The following RHOQ variants were observed in gnomAD, a reference collection of about 807,000 sequenced individuals.
RHOQ encodes the protein ras homolog family member Q.
In RHOQ, 7 loss-of-function variants were observed where a neutral mutation model predicts 25.8. The ratio of observed to expected loss-of-function variants is 0.27; its 90% CI spans 0.15 to 0.51. RHOQ has a LOEUF of 0.51. Ranked by LOEUF, RHOQ falls within the 20% of genes least tolerant of loss-of-function variation. The pLI, the probability that RHOQ is intolerant of heterozygous loss-of-function variation, is 0.97. For synonymous variants in RHOQ, 97 were observed against 98.6 expected, an observed-to-expected ratio of 0.98 and a Z score of 0.10; for missense variants, 165 against 260.6, an observed-to-expected ratio of 0.63 and a Z score of 2.53.
chr2:46,574,352 T>G (rs1251989632), intron 2 of RHOQ, among the ~76,000 whole-genome samples: 1 of 149,388 alleles, frequency 6.7e-6, no homozygotes, highest in Non-Finnish European at 1.5e-5. Flanking sequence ...TTTTTTTTTC[T>G]TTTATGGACT....
At chr2:46,579,555 G>A (rs1462288560) in intron 4 of RHOQ, among the ~76,000 whole-genome samples, 4 of 152,132 alleles carry the variant, frequency 2.6e-5, no homozygotes, top group African/African-American at 9.7e-5. Flanking sequence ...CAGTTACTCA[G>A]GTCAGAAGCC....
rs1450083990 is a variant in RHOQ, at chr2:46,581,498, G to A, written c.*415G>A. 1 of 1,611,318 alleles carries A rather than the reference G, an allele frequency of 6.2e-7. No homozygotes were observed. The highest frequency in any genetic ancestry group is 1.1e-5 in the South Asian group (1 of 90,924). On this transcript the variant is annotated 3_prime_UTR_variant, in exon 5 of 5. Transcript: ENST00000238738. ...TCCAGTTAATTGTTCTTGTATGTAAGTTGCTTTCTATTCCAGTATATCCAG... is the reference window on the plus strand; with the variant it reads ...TCCAGTTAATTGTTCTTGTATGTAAATTGCTTTCTATTCCAGTATATCCAG...
At chr2:46,573,122 G>T (rs887114446) in intron 2 of RHOQ, among the ~76,000 whole-genome samples, 7 of 151,166 alleles carry the variant, frequency 4.6e-5, no homozygotes, top group Non-Finnish European at 8.8e-5. Flanking sequence ...GTAGTGCAGT[G>T]GTACAATCTC....
intron 2 of RHOQ, among the ~76,000 whole-genome samples, chr2:46,562,242 C>T (rs1476610854): frequency 1.3e-5 from 2 of 152,130 alleles, no homozygotes; most frequent in Non-Finnish European, 2.9e-5. Flanking sequence ...TAGTTTTCCA[C>T]CACTTCACCG....
intron 2 of RHOQ, among the ~76,000 whole-genome samples, chr2:46,554,468 G>C (rs1668350821): frequency 6.6e-6 from 1 of 152,200 alleles, no homozygotes; most frequent in African/African-American, 2.4e-5. Flanking sequence ...CGATAGACAG[G>C]ACGCCTGGAC....
At chr2:46,550,005 T>G (rs1668191890) in intron 2 of RHOQ, among the ~76,000 whole-genome samples, 1 of 151,990 alleles carries the variant, frequency 6.6e-6, no homozygotes, top group Admixed American at 6.6e-5. Context: ...GGCTGGAGGA[T>G]CATTTGAGGT....
chr2:46,551,444 T>A (rs1558682728), intron 2 of RHOQ, among the ~76,000 whole-genome samples: 1 of 151,972 alleles, frequency 6.6e-6, no homozygotes, highest in Non-Finnish European at 1.5e-5. Flanking sequence ...ATATTCTGAG[T>A]GGGAAGAATA....
rs377340656 is a variant in RHOQ at position 46,556,488 on chromosome 2, T to C, written c.201+12676T>C. Among the ~76,000 whole-genome samples, 6 of 34,228 alleles carry C rather than the reference T, an allele frequency of 1.8e-4. No homozygotes were observed. The highest frequency in any genetic ancestry group is 8.4e-4 in the African/African-American group (5 of 5,964). The allele number at this position is 34,228 out of a possible 152,430, so 22.5% of individuals were successfully genotyped here. On this transcript the variant is annotated intron_variant, in intron 2 of 4. Transcript: ENST00000238738. This position sits in a 1 kb window ranked among gnomAD's most constrained non-coding sequence, Gnocchi z 4.9. ...TCTTTTTCTTAAAAAATTTTTTTAA[T>C]TTTTTTTTTTTTGTTCCTTTTAATG...
intron 2 of RHOQ, among the ~76,000 whole-genome samples, chr2:46,549,779 G>C (rs975043171): frequency 6.6e-6 from 1 of 152,122 alleles, no homozygotes; most frequent in African/African-American, 2.4e-5. Flanking sequence ...GGGGTCCCCC[G>C]GCTCCCTGGG....
At chr2:46,546,114 C>G (rs1668036113) in intron 2 of RHOQ, among the ~76,000 whole-genome samples, 2 of 151,910 alleles carry the variant, frequency 1.3e-5, no homozygotes, top group African/African-American at 4.8e-5. Context: ...TACTAATAAG[C>G]AACTTAGCAA....
intron 2 of RHOQ, chr2:46,560,668 G>A (rs757503639): frequency 6.6e-6 from 3 of 455,176 alleles, no homozygotes; most frequent in African/African-American, 2.0e-5. Context: ...TCCAGCATCC[G>A]CTGTCTTACT....
chr2:46,568,022 T>C (rs1668789194), intron 2 of RHOQ, among the ~76,000 whole-genome samples: 1 of 152,182 alleles, frequency 6.6e-6, no homozygotes, highest in Non-Finnish European at 1.5e-5. Flanking sequence ...CAATCTGTGA[T>C]CATGCTACTG....
At chr2:46,577,309 C>G (rs1337214847) in intron 4 of RHOQ, among the ~76,000 whole-genome samples, 1 of 151,690 alleles carries the variant, frequency 6.6e-6, no homozygotes, top group East Asian at 1.9e-4. Flanking sequence ...CCCCTTTTTT[C>G]CCATTTGGCC....
chr2:46,544,067 G>A (rs1344152531), intron 2 of RHOQ, among the ~76,000 whole-genome samples: 6 of 152,158 alleles, frequency 3.9e-5, no homozygotes, highest in Non-Finnish European at 5.9e-5. Context: ...TCTGTGTGGC[G>A]CCTGGTGTGT....
At chr2:46,545,873 G>T (rs560163636) in intron 2 of RHOQ, among the ~76,000 whole-genome samples, 16 of 152,210 alleles carry the variant, frequency 1.1e-4, no homozygotes, top group African/African-American at 2.4e-4. Context: ...CAAAACCAGG[G>T]CTTTCCATAT....
At chr2:46,572,214 C>A (rs1668954799) in intron 2 of RHOQ, among the ~76,000 whole-genome samples, 1 of 149,126 alleles carries the variant, frequency 6.7e-6, no homozygotes, top group South Asian at 2.1e-4. Flanking sequence ...CTGATCCACC[C>A]ACCTGAGCCT....
intron 2 of RHOQ, among the ~76,000 whole-genome samples, chr2:46,565,510 GA>G (rs2104009944): frequency 6.6e-6 from 1 of 152,342 alleles, no homozygotes; most frequent in South Asian, 2.1e-4. Flanking sequence ...AGGTGGGTTG[GA>G]CCCATTGGTG....
intron 2 of RHOQ, among the ~76,000 whole-genome samples, chr2:46,551,912 A>G (rs6750698): frequency 0.45 from 68,256 of 151,884 alleles, 16,348 homozygotes; most frequent in African/African-American, 0.6. Flanking sequence ...CATTTTGCAG[A>G]TCTGGGGAGG....
chr2:46,580,869 G>A (rs1669339021), intron 4 of RHOQ, 59 bp from the exon 5 acceptor site: 3 of 1,223,180 alleles, frequency 2.5e-6, no homozygotes, highest in African/African-American at 3.1e-5. Flanking sequence ...ATGTGTTTAT[G>A]TCATGCCAAT....
Sources: gnomAD v4.1 joint callset for allele counts (sites outside exome capture counted in the v4.1 genomes callset) on GRCh38, gnomAD v4.1.1 for gene constraint, Gnocchi (gnomAD v3.1) non-coding constraint, MANE v1.5 for transcripts, NCBI Gene and HGNC (gene_info 2026-07-23, HGNC 2026-07-21) for gene names.